The following CLVS1 variants were observed in gnomAD, a reference collection of about 807,000 sequenced individuals.
CLVS1 encodes clavesin 1, also known as clavesin-1.
Under a neutral mutation model 33.1 loss-of-function variants are expected in CLVS1, and 10 were observed. The observed-to-expected ratio is 0.30, with a 90% CI of 0.19 to 0.51. The LOEUF (loss-of-function observed/expected upper bound fraction) is 0.51, where lower values mean the gene tolerates loss of function less well. CLVS1 is among the 20% of genes least tolerant of loss of function. The pLI is 0.97. For synonymous variants in CLVS1, 163 were observed against 166.1 expected, an observed-to-expected ratio of 0.98 and a Z score of 0.14; for missense variants, 343 against 433.4, an observed-to-expected ratio of 0.79 and a Z score of 1.85.
chr8:61,400,038 A>G (rs890761340), intron 3 of CLVS1, among the ~76,000 whole-genome samples: 1 of 152,176 alleles, frequency 6.6e-6, no homozygotes, highest in African/African-American at 2.4e-5. Context: ...CTTCCATATG[A>G]ATTTTAAAAT....
rs148541425 is a variant in CLVS1, at chr8:61,129,127, A to C, written c.-242-2643A>C. Among the ~76,000 whole-genome samples the C allele has an allele frequency of 3.7e-3, 571 of 152,376 alleles. 2 individuals carry two copies. The highest frequency in any genetic ancestry group is 5.9e-3 in the Non-Finnish European group (403 of 68,036). On this transcript the variant is annotated intron_variant, in intron 1 of 2. Coordinates refer to the CLVS1 transcript ENST00000522621. ...CAGCTGATTCACTGTTGCAAGGTAC[A>C]CCACAGTCGCACAAAGAGATGGAAT...
intron 3 of CLVS1, among the ~76,000 whole-genome samples, chr8:61,444,538 G>C (rs1360583299): frequency 2.6e-5 from 4 of 152,166 alleles, no homozygotes; most frequent in Non-Finnish European, 5.9e-5. Context: ...TATTGCGAAA[G>C]TACCAGGAAT....
the CLVS1 span, among the ~76,000 whole-genome samples, chr8:61,007,088 T>C: frequency 6.6e-6 from 1 of 152,236 alleles, no homozygotes; most frequent in African/African-American, 2.4e-5. Flanking sequence ...TTTGTTTTTC[T>C]CTTTATCAGA....
At chr8:61,209,896 CA>C (rs1807937304) in intron 2 of CLVS1, among the ~76,000 whole-genome samples, 3 of 152,050 alleles carry the variant, frequency 2.0e-5, no homozygotes. Flanking sequence ...TAGAGTATGG[CA>C]AAAGTGATGG....
chr8:60,966,378 C>A, the CLVS1 span: 1 of 456,036 alleles, frequency 2.2e-6, no homozygotes, highest in South Asian at 1.5e-5. Context: ...CAGGACTTAT[C>A]TTCTGAGGTG....
In CLVS1 at chr8:61,386,033, G is replaced by A. The variant is rs574482541; in HGVS notation, c.630+9254G>A. On this transcript the variant is annotated intron_variant, in intron 3 of 5. Coordinates refer to ENST00000325897, the MANE Select transcript of CLVS1 (RefSeq NM_173519.3). ...CCCGGAAATTGGAAAGTTGGTTATTGTTTCTGTTAGGCAACTAATTCCATG... is the reference window on the plus strand; with the variant it reads ...CCCGGAAATTGGAAAGTTGGTTATTATTTCTGTTAGGCAACTAATTCCATG... 5.3e-5 allele frequency among the ~76,000 whole-genome samples: 8 copies of A among 152,256 alleles called. No homozygotes were observed. In the South Asian group the frequency reaches 1.7e-3, roughly 32 times the overall value.
chr8:61,046,441 C>G, the CLVS1 span, among the ~76,000 whole-genome samples: 322 of 146,510 alleles, frequency 2.2e-3, no homozygotes, highest in Non-Finnish European at 2.7e-3. Flanking sequence ...CAGCTTTGTT[C>G]TTTTGGCTTA....
chr8:61,211,728 CT>C (rs1450311987), intron 2 of CLVS1, among the ~76,000 whole-genome samples: 2 of 152,210 alleles, frequency 1.3e-5, no homozygotes, highest in African/African-American at 4.8e-5. Context: ...TTTCCTCTTA[CT>C]TTGCAGATGT....
At chr8:61,088,487 CA>C (rs59394782) in intron 1 of CLVS1, among the ~76,000 whole-genome samples, 148 of 105,314 alleles carry the variant, frequency 1.4e-3, no homozygotes, top group Middle Eastern at 9.9e-3. Context: ...GAGACTGTCT[CA>C]AAAAAAAAAA....
At chr8:61,480,762 G>C (rs1818163274) in intron 5 of CLVS1, among the ~76,000 whole-genome samples, 1 of 152,114 alleles carries the variant, frequency 6.6e-6, no homozygotes, top group Non-Finnish European at 1.5e-5. Context: ...GATTAGACTA[G>C]GGTACAGAAG....
rs142308842 is a variant in CLVS1, at chr8:61,081,797, G to T, written c.-243+24567G>T. Among the ~76,000 whole-genome samples the T allele has an allele frequency of 1.1e-3, 162 of 152,266 alleles. 1 individual carries two copies. Among genetic ancestry groups the T allele is most frequent in the African/African-American group, 3.8e-3 (156 of 41,530 alleles). On this transcript the variant is annotated intron_variant, in intron 1 of 2. Transcript: ENST00000522621. ...AAACCATTTTTTCCCAAATTAGAGA[G>T]ACAGACAGGAAGTTACAGAAAATCA... is the stretch of plus-strand genomic sequence containing the variant.
At chr8:61,038,696 C>G in the CLVS1 span, among the ~76,000 whole-genome samples, 1 of 152,108 alleles carries the variant, frequency 6.6e-6, no homozygotes, top group Non-Finnish European at 1.5e-5. Context: ...CCCATGTCAG[C>G]CTCCCCGGTC....
At chr8:61,245,363 T>A (rs916359324) in intron 2 of CLVS1, among the ~76,000 whole-genome samples, 1 of 151,948 alleles carries the variant, frequency 6.6e-6, no homozygotes, top group Admixed American at 6.6e-5. Flanking sequence ...TTTTTTTGTA[T>A]TTTAGTAGAG....
At chr8:61,303,247 T>G (rs1585774315) in intron 2 of CLVS1, among the ~76,000 whole-genome samples, 2 of 152,356 alleles carry the variant, frequency 1.3e-5, no homozygotes, top group African/African-American at 4.8e-5. Flanking sequence ...ATTTGGTCCA[T>G]GTATATCCCA....
chr8:61,478,740 C>T (rs1818061212), intron 5 of CLVS1, among the ~76,000 whole-genome samples: 1 of 152,184 alleles, frequency 6.6e-6, no homozygotes, highest in African/African-American at 2.4e-5. Flanking sequence ...CTCCTAAATA[C>T]AGCACACTGA....
chr8:60,978,809 CAAAAA>C, the CLVS1 span, among the ~76,000 whole-genome samples: 2 of 22,534 alleles, frequency 8.9e-5, no homozygotes, highest in Admixed American at 1.0e-3. Context: ...GACTCCATCT[CAAAAA>C]AAAAAAAAAA....
rs1813045253 is a variant in CLVS1, at chr8:61,362,853, T to C, written c.456-13752T>C. Among the ~76,000 whole-genome samples the C allele has an allele frequency of 3.3e-5, 5 of 152,298 alleles. No individual in the cohort carries two copies. In the South Asian group the frequency reaches 1.0e-3, roughly 32 times the overall value. On this transcript the variant is annotated intron_variant, in intron 2 of 5. Transcript: ENST00000325897. ...CTGCAGTCAGCAATTACTTACAATA[T>C]TTATATGTTGCCTCAGGGTTCAAAG...
chr8:61,349,635 A>AT (rs557693471), intron 2 of CLVS1, among the ~76,000 whole-genome samples: 50 of 152,154 alleles, frequency 3.3e-4, no homozygotes, highest in African/African-American at 1.2e-3. Context: ...TTCCATCTTA[A>AT]TGTTCAGAAC....
At chr8:61,057,212 C>T (rs1001416650) in exon 1 of CLVS1, 1 of 152,202 alleles carries the variant, frequency 6.6e-6, no homozygotes, top group African/African-American at 2.4e-5. Flanking sequence ...GAGGACAGCC[C>T]ACGTCTCATT....
Sources: gnomAD v4.1 joint callset for allele counts (sites outside exome capture counted in the v4.1 genomes callset) on GRCh38, gnomAD v4.1.1 for gene constraint, MANE v1.5 for transcripts, NCBI Gene and HGNC (gene_info 2026-07-23, HGNC 2026-07-21) for gene names.